Variants in TNIP3 observed in about 807,000 individuals in gnomAD.
TNIP3 encodes TNFAIP3-interacting protein 3.
Under a neutral mutation model 54.1 loss-of-function variants are expected in TNIP3, and 34 were observed. The observed-to-expected ratio is 0.63, with a 90% confidence interval of 0.48 to 0.84. The LOEUF (loss-of-function observed/expected upper bound fraction) is 0.84. TNIP3 is among the 40% of genes least tolerant of loss of function. TNIP3 has a pLI of 0.00. For missense variants in TNIP3, 366 were observed against 387.6 expected (o/e 0.94, Z 0.47); for synonymous variants, 134 against 136.8 (o/e 0.98, Z 0.14).
At chr4:121,189,400 T>C (rs985478942) in intron 2 of TNIP3, among the ~76,000 whole-genome samples, 7 of 152,210 alleles carry the variant, frequency 4.6e-5, no homozygotes, top group Non-Finnish European at 7.3e-5. Flanking sequence ...TGTTCAAACA[T>C]CAGGAATCTG....
At chr4:121,215,897 A>C (rs1313223560) in intron 2 of TNIP3, among the ~76,000 whole-genome samples, 1 of 150,460 alleles carries the variant, frequency 6.6e-6, no homozygotes, top group Non-Finnish European at 1.5e-5. Flanking sequence ...AAAAAAAAAG[A>C]AATAACTGAA....
chr4:121,197,729 T>C (rs929277016), intron 2 of TNIP3, among the ~76,000 whole-genome samples: 3 of 152,086 alleles, frequency 2.0e-5, no homozygotes, highest in Admixed American at 1.3e-4. Flanking sequence ...TCTGAAGCAA[T>C]TTGGGGGCAA....
chr4:121,142,863 C>T, intron 7 of TNIP3, 87 bp from the exon 8 acceptor site: 1 of 1,116,286 alleles, frequency 9.0e-7, no homozygotes, highest in Non-Finnish European at 1.3e-6. Flanking sequence ...AAGTGTCAGG[C>T]ATTGACAGCA....
chr4:121,181,989 A>G (rs934697910), intron 3 of TNIP3, among the ~76,000 whole-genome samples: 1 of 152,102 alleles, frequency 6.6e-6, no homozygotes, highest in Non-Finnish European at 1.5e-5. Flanking sequence ...AGTATAAATT[A>G]CTTTTTAAAA....
chr4:121,167,984 T>A (rs1178186780), upstream of TNIP3, among the ~76,000 whole-genome samples: 1 of 152,122 alleles, frequency 6.6e-6, no homozygotes, highest in South Asian at 2.1e-4. Context: ...AAAACTTGCC[T>A]TCCCTGTTAC....
chr4:121,217,916 G>A (rs115446445), upstream of TNIP3, among the ~76,000 whole-genome samples: 662 of 152,174 alleles, frequency 4.4e-3, 5 homozygotes, highest in African/African-American at 0.015. Context: ...TGGAGAACAC[G>A]CTAAGAATTA....
upstream of TNIP3, among the ~76,000 whole-genome samples, chr4:121,217,675 T>A (rs1187122465): frequency 1.3e-5 from 2 of 152,204 alleles, no homozygotes; most frequent in African/African-American, 4.8e-5. Flanking sequence ...GCAAATATGT[T>A]GAAGAGGAAA....
At chr4:121,192,966 T>C (rs1725376733) in intron 2 of TNIP3, 1 of 152,320 alleles carries the variant, frequency 6.6e-6, no homozygotes, top group South Asian at 2.1e-4. Context: ...ATTTATATAA[T>C]AGACTTACAT....
intron 2 of TNIP3, among the ~76,000 whole-genome samples, chr4:121,215,967 G>A (rs748545821): frequency 8.6e-5 from 13 of 151,710 alleles, no homozygotes; most frequent in Admixed American, 2.6e-4. Context: ...TGTGGAAAGC[G>A]CCTAAGTAAG....
chr4:121,158,666 C>T (rs1163818544), intron 3 of TNIP3, 21 bp downstream of exon 3: 6 of 1,587,608 alleles, frequency 3.8e-6, no homozygotes, highest in Middle Eastern at 1.7e-4. Context: ...AAGAAAATAC[C>T]GAATAGAGAG....
chr4:121,145,703 G>T (rs1278315984), intron 7 of TNIP3, among the ~76,000 whole-genome samples: 2 of 150,676 alleles, frequency 1.3e-5, no homozygotes, highest in Non-Finnish European at 3.0e-5. Flanking sequence ...TGTTTTACTG[G>T]CAGCAAATTT....
chr4:121,136,321 A>G (rs1037455485), intron 10 of TNIP3, among the ~76,000 whole-genome samples: 9 of 152,194 alleles, frequency 5.9e-5, no homozygotes, highest in African/African-American at 1.9e-4. Flanking sequence ...CTATACTTTC[A>G]GAAAATTTCA....
chr4:121,190,748 C>A (rs545597309), intron 2 of TNIP3, among the ~76,000 whole-genome samples: 1 of 152,168 alleles, frequency 6.6e-6, no homozygotes, highest in African/African-American at 2.4e-5. Context: ...AAGGGTAGAA[C>A]CTTAACCGAA....
At chr4:121,133,925 T>C (rs1728626656) in intron 10 of TNIP3, among the ~76,000 whole-genome samples, 1 of 151,840 alleles carries the variant, frequency 6.6e-6, no homozygotes. Flanking sequence ...CAAGGAAGTC[T>C]CCTCCCCAGA....
chr4:121,137,959 C>T lies in TNIP3; in HGVS notation c.946+665G>A, dbSNP rs986570538. The T allele has an allele frequency of 2.2e-5, 10 of 455,758 alleles. No individual in the cohort carries two copies. The East Asian group carries it at 3.5e-4, about 16-fold the overall frequency. 28.2% of individuals were successfully genotyped at this position (455,758 alleles called of 1,614,324 possible). A position where few individuals can be genotyped will look rare whatever the true frequency, so the allele number is the denominator to read the frequency against. ...TGATTATAGCTCAGTTTATACAGCC[C>T]GCTTCTGGGTGGCCTCACAAGACCA... On this transcript the variant is annotated intron_variant, in intron 10 of 10. Coordinates refer to ENST00000057513, the MANE Select transcript of TNIP3 (RefSeq NM_024873.6).
upstream of TNIP3, among the ~76,000 whole-genome samples, chr4:121,219,172 C>T (rs1726930352): frequency 6.6e-6 from 1 of 151,968 alleles, no homozygotes; most frequent in Non-Finnish European, 1.5e-5. Flanking sequence ...TGCTCTCCAG[C>T]CTGGGCAACA....
intron 2 of TNIP3, among the ~76,000 whole-genome samples, chr4:121,186,683 G>A (rs543806074): frequency 2.0e-5 from 3 of 152,198 alleles, no homozygotes; most frequent in Admixed American, 1.3e-4. Flanking sequence ...CTCAGTGATC[G>A]ATACTATTGT....
chr4:121,159,538 T>C (rs1730319492), intron 2 of TNIP3, among the ~76,000 whole-genome samples: 1 of 152,374 alleles, frequency 6.6e-6, no homozygotes, highest in Non-Finnish European at 1.5e-5. Context: ...AAGCAGAATT[T>C]ATGCTAACAA....
Position 121,150,319 on chromosome 4 carries a change from C to T in TNIP3, c.493-100G>A, listed in dbSNP as rs141651976. ...CATCTCAAATGCACCCACAAATATGCATTTCATGTTTAACGCTGCTTACAT... is the reference window on the plus strand; with the variant it reads ...CATCTCAAATGCACCCACAAATATGTATTTCATGTTTAACGCTGCTTACAT... On this transcript the variant is annotated intron_variant, in intron 5 of 10. Coordinates refer to ENST00000057513, the MANE Select transcript of TNIP3 (RefSeq NM_024873.6). The T allele has an allele frequency of 2.1e-4, 137 of 651,778 alleles. 1 individual carries two copies. Among genetic ancestry groups the T allele is most frequent in the African/African-American group, 1.4e-3 (75 of 54,160 alleles). 40.4% of individuals were successfully genotyped at this position (651,778 alleles called of 1,614,324 possible). A position where few individuals can be genotyped will look rare whatever the true frequency, so the allele number is the denominator to read the frequency against.
Sources: allele counts gnomAD v4.1 joint callset (sites outside exome capture counted in the v4.1 genomes callset), GRCh38; gene constraint gnomAD v4.1.1; transcripts MANE v1.5; gene names NCBI Gene and HGNC (gene_info 2026-07-23, HGNC 2026-07-21).